Variants in CDH4 observed in about 807,000 individuals in gnomAD.
The protein encoded by CDH4 is cadherin-4.
CDH4 carries 33 observed loss-of-function variants against 86.0 expected under a neutral mutation model. That is an observed-to-expected ratio of 0.38 (90% confidence interval 0.29 to 0.51). The LOEUF (loss-of-function observed/expected upper bound fraction) is 0.51, where lower values mean the gene tolerates loss of function less well. Ranked by LOEUF, CDH4 falls within the 20% of genes least tolerant of loss-of-function variation. The pLI is 0.86. For missense variants in CDH4, 1,114 were observed against 1,307.4 expected, an observed-to-expected ratio of 0.85 and a Z score of 2.28; for synonymous variants, 555 against 549.4, an observed-to-expected ratio of 1.01 and a Z score of -0.14.
At chr20:61,328,434 C>T (rs1429300690) in intron 2 of CDH4, among the ~76,000 whole-genome samples, 1 of 152,202 alleles carries the variant, frequency 6.6e-6, no homozygotes, top group African/African-American at 2.4e-5. Context: ...CTTGACCTCC[C>T]AAAGTGCTGG....
rs555750058 is a variant in CDH4 at position 61,440,834 on chromosome 20, A to G, written c.169+185897A>G. Reference sequence around the variant, plus strand: ...CTGAGACAGGCACAGCATGGGGAGAAGTTCTGGCAATCACATCAGGTGTCT... The same window carrying G: ...CTGAGACAGGCACAGCATGGGGAGAGGTTCTGGCAATCACATCAGGTGTCT... On this transcript the variant is annotated intron_variant, in intron 2 of 15. Transcript: ENST00000614565. 1.6e-3 allele frequency among the ~76,000 whole-genome samples: 248 copies of G among 152,312 alleles called. 1 individual carries two copies. The highest frequency in any genetic ancestry group is 5.8e-3 in the African/African-American group (240 of 41,578).
chr20:61,734,559 C>T lies in CDH4; in HGVS notation c.170-9004C>T, dbSNP rs1000259902. ...CGGCCTTGGTTGTGACTCTGGGCCC[C>T]GCATGGTGCAGGGATTCAATAAGGG... On this transcript the variant is annotated intron_variant, in intron 2 of 15. Coordinates refer to ENST00000614565, the MANE Select transcript of CDH4 (RefSeq NM_001794.5). 5.9e-5 allele frequency among the ~76,000 whole-genome samples: 9 copies of T among 152,252 alleles called. No homozygotes were observed. The South Asian group carries it at 1.5e-3, about 25-fold the overall frequency.
intron 2 of CDH4, among the ~76,000 whole-genome samples, chr20:61,301,141 C>A (rs1218613275): frequency 6.6e-6 from 1 of 152,258 alleles, no homozygotes; most frequent in Non-Finnish European, 1.5e-5. Context: ...GCCCGCTTCA[C>A]AGATGGAAGG....
At chr20:61,313,697 A>G (rs905651799) in intron 2 of CDH4, among the ~76,000 whole-genome samples, 4 of 152,190 alleles carry the variant, frequency 2.6e-5, no homozygotes, top group African/African-American at 4.8e-5. Context: ...TAAAAAATGT[A>G]TATATTTATG....
At chr20:61,849,791 G>A (rs1312853949) in intron 5 of CDH4, among the ~76,000 whole-genome samples, 4 of 152,220 alleles carry the variant, frequency 2.6e-5, no homozygotes, top group African/African-American at 7.2e-5. Flanking sequence ...GCTGGAGAAC[G>A]TTCAGCTTTC....
At chr20:61,613,550 C>G (rs944241) in intron 2 of CDH4, among the ~76,000 whole-genome samples, 3,814 of 146,904 alleles carry the variant, frequency 0.026, 143 homozygotes, top group East Asian at 0.18. Flanking sequence ...TGTGCAGAAT[C>G]TAGGATGTGG....
intron 2 of CDH4, chr20:61,570,644 T>C: frequency 1.4e-6 from 1 of 702,332 alleles, no homozygotes; most frequent in Admixed American, 2.0e-5. Flanking sequence ...ATTTTGTTTT[T>C]CACAATGGTA....
At chr20:61,483,296 C>T (rs539655717) in intron 2 of CDH4, among the ~76,000 whole-genome samples, 160 of 151,984 alleles carry the variant, frequency 1.1e-3, no homozygotes, top group Admixed American at 2.9e-3. Context: ...CCCCCTTCAA[C>T]GTTCAGCTGG....
At position 61,936,858 on chromosome 20, in the gene CDH4, G is replaced by A. The variant is rs1185425865; in HGVS notation, c.2666G>A (p.Gly889Glu). ...AGCTCCCTGAACTCATCCAGTTCCG[G>A]GGACCAAGACTACGATTACCTCAAC... ...SVSSLNSSSS[G>E]DQDYDYLNDW... The change falls in exon 16 of 16, where the codon GGG (glycine) becomes GAG (glutamate). Residue 889 changes from glycine to glutamate, a missense_variant. Gly to Glu is a moderately conservative substitution (Grantham distance 98). Around this residue, in one of 3 missense-constraint regions of CDH4, gnomAD observed 188 missense variants for 183.8 expected, o/e 1.02. Coordinates refer to ENST00000614565, the MANE Select transcript of CDH4 (RefSeq NM_001794.5). 5.6e-6 allele frequency: 9 copies of A among 1,608,952 alleles called. No individual in the cohort carries two copies. Among genetic ancestry groups the A allele is most frequent in the African/African-American group, 1.3e-5 (1 of 74,676 alleles).
chr20:61,370,690 T>C (rs2084835253), intron 2 of CDH4: 1 of 152,212 alleles, frequency 6.6e-6, no homozygotes. Context: ...CAATGGTAAA[T>C]TTTTACAATA....
At chr20:61,746,985 TG>T (rs1413335181) in intron 3 of CDH4, among the ~76,000 whole-genome samples, 2 of 152,232 alleles carry the variant, frequency 1.3e-5, no homozygotes, top group African/African-American at 4.8e-5. Flanking sequence ...CCTGGCCGCC[TG>T]CCAGAAGCAA....
chr20:61,776,189 C>T (rs1443198577), intron 4 of CDH4, among the ~76,000 whole-genome samples: 3 of 152,192 alleles, frequency 2.0e-5, no homozygotes. Flanking sequence ...CATCTGAATG[C>T]CCTGATGGGG....
chr20:61,429,104 G>T (rs775332244), intron 2 of CDH4, among the ~76,000 whole-genome samples: 2 of 151,512 alleles, frequency 1.3e-5, no homozygotes, highest in Non-Finnish European at 3.0e-5. Flanking sequence ...ACCTATGACG[G>T]TAAGCTTATA....
intron 2 of CDH4, among the ~76,000 whole-genome samples, chr20:61,727,906 CAA>C (rs2088134768): frequency 6.6e-6 from 1 of 152,214 alleles, no homozygotes; most frequent in Non-Finnish European, 1.5e-5. Context: ...TGGGCCAAAC[CAA>C]CCATGACCAC....
intron 2 of CDH4, among the ~76,000 whole-genome samples, chr20:61,265,157 T>C (rs1233200601): frequency 2.8e-5 from 4 of 144,100 alleles, no homozygotes; most frequent in Non-Finnish European, 4.5e-5. Flanking sequence ...AACTCAGTGG[T>C]TCCTTCATTC....
intron 2 of CDH4, chr20:61,435,769 AG>A (rs2085277864): frequency 6.6e-6 from 1 of 152,278 alleles, no homozygotes; most frequent in Non-Finnish European, 1.5e-5. Flanking sequence ...CACAGACATG[AG>A]GGTGTCGACT....
At chr20:61,808,940 G>A (rs1980284756) in intron 4 of CDH4, among the ~76,000 whole-genome samples, 1 of 152,258 alleles carries the variant, frequency 6.6e-6, no homozygotes, top group African/African-American at 2.4e-5. Flanking sequence ...TAGCCATAAA[G>A]ATAATGTGAC....
intron 2 of CDH4, among the ~76,000 whole-genome samples, chr20:61,314,017 G>C (rs1009090843): frequency 9.9e-5 from 15 of 152,238 alleles, no homozygotes; most frequent in Non-Finnish European, 1.5e-4. Context: ...TTACAGGCGT[G>C]AGCCACAGCA....
chr20:61,667,539 A>G (rs1050401327), intron 2 of CDH4, among the ~76,000 whole-genome samples: 1 of 152,244 alleles, frequency 6.6e-6, no homozygotes, highest in Non-Finnish European at 1.5e-5. Flanking sequence ...TAATGCGCCC[A>G]GACGGCCCCA....
Sources: allele counts gnomAD v4.1 joint callset (sites outside exome capture counted in the v4.1 genomes callset), GRCh38; gene constraint gnomAD v4.1.1; regional missense constraint gnomAD v4.1.1; transcripts MANE v1.5; gene names NCBI Gene and HGNC (gene_info 2026-07-23, HGNC 2026-07-21).